Variants in ANKH observed in about 807,000 individuals in gnomAD.
ANKH encodes mineralization regulator ANKH.
In ANKH, 15 loss-of-function variants were observed where a neutral mutation model predicts 49.0. The observed-to-expected ratio is 0.31, with a 90% confidence interval of 0.20 to 0.47. ANKH has a LOEUF of 0.47. Ranked by LOEUF, ANKH falls within the 20% of genes least tolerant of loss-of-function variation. The probability of loss-of-function intolerance (pLI) is 1.00; values close to 1 mark genes in which losing one functional copy is unlikely to be tolerated. For synonymous variants in ANKH, 273 were observed against 260.0 expected (o/e 1.05, Z -0.48); for missense variants, 429 against 652.0 (o/e 0.66, Z 3.72).
intron 1 of ANKH, among the ~76,000 whole-genome samples, chr5:14,793,868 T>C (rs1740287416): frequency 6.6e-6 from 1 of 152,220 alleles, no homozygotes; most frequent in African/African-American, 2.4e-5. Flanking sequence ...ACTGCATTTC[T>C]GTGTGGCTGA....
chr5:14,838,374 T>C (rs1312832565), intron 1 of ANKH, among the ~76,000 whole-genome samples: 2 of 150,836 alleles, frequency 1.3e-5, no homozygotes, highest in Non-Finnish European at 3.0e-5. Context: ...ACCCTAAAAC[T>C]TAAAGTATAA....
intron 1 of ANKH, among the ~76,000 whole-genome samples, chr5:14,805,460 T>TAC (rs1561063720): frequency 1.5e-5 from 1 of 64,622 alleles, no homozygotes; most frequent in South Asian, 8.6e-4. Flanking sequence ...TATATATATG[T>TAC]ACACACACAT....
At chr5:14,724,858 A>T (rs574102289) in intron 8 of ANKH, among the ~76,000 whole-genome samples, 2 of 152,180 alleles carry the variant, frequency 1.3e-5, no homozygotes, top group East Asian at 3.9e-4. Flanking sequence ...GGTCTTATTT[A>T]ATTTCCATAA....
chr5:14,779,473 T>C (rs1465379221), intron 1 of ANKH, among the ~76,000 whole-genome samples: 1 of 152,222 alleles, frequency 6.6e-6, no homozygotes, highest in Non-Finnish European at 1.5e-5. Flanking sequence ...GTACAGCAGT[T>C]ACCTGCTTAC....
rs1209292505 is a variant in ANKH, at chr5:14,793,047, T to TATATATA, written c.97-23857_97-23856insTATATAT. Among the ~76,000 whole-genome samples the TATATATA allele has an allele frequency of 6.2e-5, 4 of 64,742 alleles. No individual in the cohort carries two copies. In the East Asian group the frequency reaches 1.3e-3, roughly 21 times the overall value. The allele number at this position is 64,742 out of a possible 152,430, so 42.5% of individuals were successfully genotyped here. A position where few individuals can be genotyped will look rare whatever the true frequency, so the allele number is the denominator to read the frequency against. On this transcript the variant is annotated intron_variant, in intron 1 of 11. Coordinates refer to ENST00000284268, the MANE Select transcript of ANKH (RefSeq NM_054027.6). ...ATATATATATATAAAAATATATATA[T>TATATATA]AAATATATATAAAATATATATAAAT...
chr5:14,716,999 C>T (rs1737492546), intron 8 of ANKH, 164 bp from the exon 9 acceptor site: 1 of 810,152 alleles, frequency 1.2e-6, no homozygotes, highest in Non-Finnish European at 2.0e-6. Flanking sequence ...TTGCTTGACT[C>T]TCTTCTGACC....
chr5:14,828,125 T>C (rs1741396407), intron 1 of ANKH, among the ~76,000 whole-genome samples: 1 of 152,212 alleles, frequency 6.6e-6, no homozygotes, highest in Non-Finnish European at 1.5e-5. Context: ...GAAATCATGG[T>C]AATCTCACCA....
intron 8 of ANKH, among the ~76,000 whole-genome samples, chr5:14,721,878 T>C (rs1030205507): frequency 3.3e-4 from 42 of 127,140 alleles, no homozygotes; most frequent in East Asian, 9.1e-4. Flanking sequence ...TGCAGTGAGC[T>C]GAGATCATGC....
intron 8 of ANKH, chr5:14,717,060 C>T (rs1441387769): frequency 1.9e-6 from 1 of 531,554 alleles, no homozygotes; most frequent in African/African-American, 1.9e-5. Context: ...ACCCCCACGG[C>T]AGAGCAGATG....
chr5:14,752,997 AGT>A (rs1267170405), intron 4 of ANKH, among the ~76,000 whole-genome samples: 2 of 152,214 alleles, frequency 1.3e-5, no homozygotes, highest in African/African-American at 4.8e-5. Flanking sequence ...CAGACATGTG[AGT>A]GTGACAGGAC....
chr5:14,804,548 C>T (rs977394199), intron 1 of ANKH, among the ~76,000 whole-genome samples: 1 of 152,204 alleles, frequency 6.6e-6, no homozygotes, highest in Non-Finnish European at 1.5e-5. Flanking sequence ...GTCTACTTTA[C>T]GCTTACTTTG....
chr5:14,756,094 T>C, intron 3 of ANKH, 150 bp from the exon 4 acceptor site: 6 of 721,840 alleles, frequency 8.3e-6, no homozygotes, highest in Non-Finnish European at 1.5e-5. Context: ...GTTGGTAAAA[T>C]TACTGTAACT....
intron 1 of ANKH, among the ~76,000 whole-genome samples, chr5:14,850,418 T>C (rs777584894): frequency 1.3e-5 from 2 of 152,242 alleles, no homozygotes; most frequent in African/African-American, 4.8e-5. Flanking sequence ...GGGACATCTG[T>C]ACTAACCTTA....
chr5:14,752,591 C>T (rs1738756371), intron 4 of ANKH, among the ~76,000 whole-genome samples: 1 of 152,178 alleles, frequency 6.6e-6, no homozygotes, highest in African/African-American at 2.4e-5. Context: ...CAGAAGCATA[C>T]TGAGAACAAA....
intron 1 of ANKH, among the ~76,000 whole-genome samples, chr5:14,829,574 C>T (rs141934804): frequency 2.0e-4 from 30 of 152,302 alleles, no homozygotes; most frequent in African/African-American, 7.0e-4. Context: ...TGCCTGTTCT[C>T]GTGCAGCAAA....
At chr5:14,752,407 A>C (rs944093289) in intron 4 of ANKH, among the ~76,000 whole-genome samples, 11 of 152,256 alleles carry the variant, frequency 7.2e-5, no homozygotes, top group African/African-American at 2.7e-4. Context: ...AAACTAGAAT[A>C]GGTTGAAATA....
At chr5:14,837,546 G>A in intron 1 of ANKH, among the ~76,000 whole-genome samples, 1 of 152,192 alleles carries the variant, frequency 6.6e-6, no homozygotes, top group Non-Finnish European at 1.5e-5. Flanking sequence ...CTGGCCATCA[G>A]AGAAATGCAA....
At chr5:14,805,485 T>TACACAC (rs111728811) in intron 1 of ANKH, among the ~76,000 whole-genome samples, 129 of 132,236 alleles carry the variant, frequency 9.8e-4, no homozygotes, top group African/African-American at 3.3e-3. Context: ...GTTTATAGGA[T>TACACAC]ACACACACAC....
chr5:14,715,072 G>A (rs1737395370), intron 9 of ANKH, among the ~76,000 whole-genome samples: 1 of 152,240 alleles, frequency 6.6e-6, no homozygotes, highest in African/African-American at 2.4e-5. Context: ...GACGCCGCAA[G>A]GCCTTAGAGC....
Sources: gnomAD v4.1 joint callset for allele counts (sites outside exome capture counted in the v4.1 genomes callset) on GRCh38, gnomAD v4.1.1 for gene constraint, MANE v1.5 for transcripts, NCBI Gene and HGNC (gene_info 2026-07-23, HGNC 2026-07-21) for gene names.